Variants in IQCJ observed in about 807,000 individuals in gnomAD.
IQCJ encodes IQ motif containing J.
IQCJ carries 9 observed loss-of-function variants against 11.0 expected under a neutral mutation model. That is an observed-to-expected ratio of 0.82 (90% confidence interval 0.49 to 1.43). The LOEUF (loss-of-function observed/expected upper bound fraction) is 1.43, where lower values mean the gene tolerates loss of function less well. IQCJ is among the 40% of genes most tolerant of loss of function. IQCJ has a pLI of 0.00. For synonymous variants in IQCJ, 55 were observed against 51.3 expected (o/e 1.07, Z -0.31); for missense variants, 146 against 133.2 (o/e 1.10, Z -0.47).
intron 1 of IQCJ, among the ~76,000 whole-genome samples, chr3:159,215,835 C>T (rs1725194155): frequency 6.6e-6 from 1 of 152,018 alleles, no homozygotes; most frequent in South Asian, 2.1e-4. Flanking sequence ...GCACAATTTT[C>T]TCCTACATTA....
chr3:159,188,433 C>CA (rs1723498311), intron 1 of IQCJ, among the ~76,000 whole-genome samples: 1 of 151,858 alleles, frequency 6.6e-6, no homozygotes, highest in Non-Finnish European at 1.5e-5. Context: ...AAAACAACAA[C>CA]AAAAAACAAA....
intron 1 of IQCJ, among the ~76,000 whole-genome samples, chr3:159,143,318 C>T (rs1292794041): frequency 6.6e-6 from 1 of 152,212 alleles, no homozygotes; most frequent in African/African-American, 2.4e-5. Flanking sequence ...CTGTTCCATA[C>T]AAATTCTCAG....
intron 1 of IQCJ, among the ~76,000 whole-genome samples, chr3:159,231,616 T>G (rs1452994953): frequency 6.6e-6 from 1 of 152,242 alleles, no homozygotes; most frequent in East Asian, 1.9e-4. Context: ...CTCTGCCAGG[T>G]TTTGGTATCA....
At chr3:159,163,667 A>G (rs1722006001) in intron 1 of IQCJ, among the ~76,000 whole-genome samples, 1 of 152,048 alleles carries the variant, frequency 6.6e-6, no homozygotes, top group South Asian at 2.1e-4. Flanking sequence ...GCCCAGCCTC[A>G]TTTTTCATGT....
At chr3:159,151,666 C>T (rs1017960458) in intron 1 of IQCJ, among the ~76,000 whole-genome samples, 4 of 152,216 alleles carry the variant, frequency 2.6e-5, no homozygotes, top group Non-Finnish European at 4.4e-5. Flanking sequence ...GACGGAGTCT[C>T]GCTCTGTCGC....
chr3:159,150,643 T>C (rs904880162), intron 1 of IQCJ, among the ~76,000 whole-genome samples: 6 of 151,468 alleles, frequency 4.0e-5, no homozygotes, highest in African/African-American at 1.2e-4. Flanking sequence ...CTTCTGTAGG[T>C]TGAGGGTAAG....
At chr3:159,223,852 G>A (rs1212730103) in intron 1 of IQCJ, among the ~76,000 whole-genome samples, 1 of 152,066 alleles carries the variant, frequency 6.6e-6, no homozygotes, top group African/African-American at 2.4e-5. Context: ...AATTACCTCA[G>A]GCTATGTATG....
intron 1 of IQCJ, among the ~76,000 whole-genome samples, chr3:159,208,933 A>G (rs1351797700): frequency 6.6e-6 from 1 of 152,232 alleles, no homozygotes; most frequent in African/African-American, 2.4e-5. Context: ...GAATGATGTC[A>G]ACACATGCCA....
intron 1 of IQCJ, among the ~76,000 whole-genome samples, chr3:159,142,591 T>C (rs1245927844): frequency 6.6e-6 from 1 of 152,152 alleles, no homozygotes; most frequent in Non-Finnish European, 1.5e-5. Flanking sequence ...TAATTTTTTA[T>C]ATTTTTAGTA....
intron 1 of IQCJ, among the ~76,000 whole-genome samples, chr3:159,095,015 A>G (rs916063502): frequency 6.6e-6 from 1 of 151,858 alleles, no homozygotes. Context: ...TCCCACTTCC[A>G]AATCCAGCAA....
intron 1 of IQCJ, among the ~76,000 whole-genome samples, chr3:159,135,877 G>A (rs990631885): frequency 1.3e-5 from 2 of 152,210 alleles, no homozygotes; most frequent in Non-Finnish European, 2.9e-5. Context: ...GAAAGGGACA[G>A]TAATCAATTA....
chr3:159,152,841 A>G (rs1721307173), intron 1 of IQCJ, among the ~76,000 whole-genome samples: 1 of 152,258 alleles, frequency 6.6e-6, no homozygotes, highest in Admixed American at 6.5e-5. Context: ...GCAGTTTTCA[A>G]TAAAATCTAT....
intron 1 of IQCJ, among the ~76,000 whole-genome samples, chr3:159,129,634 G>A (rs908093796): frequency 6.6e-6 from 1 of 152,108 alleles, no homozygotes; most frequent in Non-Finnish European, 1.5e-5. Flanking sequence ...GAAATCATTT[G>A]TATGGAAGGA....
chr3:159,210,297 T>C (rs534680383), intron 1 of IQCJ, among the ~76,000 whole-genome samples: 1 of 152,340 alleles, frequency 6.6e-6, no homozygotes, highest in East Asian at 1.9e-4. Flanking sequence ...CCCACAAATC[T>C]TTCATTTGTG....
rs1716336223 is a variant in IQCJ, at chr3:159,081,856, T to C, written c.9+12415T>C. Reference sequence around the variant, plus strand: ...TATTGTCTTATTGGAGAGACTTAAGTAGAATAAACATACTTTTCTGTCATT... The same window carrying C: ...TATTGTCTTATTGGAGAGACTTAAGCAGAATAAACATACTTTTCTGTCATT... On this transcript the variant is annotated intron_variant, in intron 1 of 3. Transcript: ENST00000397832. Among the ~76,000 whole-genome samples the C allele has an allele frequency of 2.0e-5, 3 of 152,146 alleles. No individual in the cohort carries two copies. In the South Asian group the frequency reaches 6.2e-4, roughly 31 times the overall value.
At chr3:159,194,588 C>T (rs1383770352) in intron 1 of IQCJ, among the ~76,000 whole-genome samples, 1 of 152,228 alleles carries the variant, frequency 6.6e-6, no homozygotes, top group Non-Finnish European at 1.5e-5. Flanking sequence ...ATTTTAGATG[C>T]TCAGAGTATC....
chr3:159,071,844 A>T (rs547659508), intron 1 of IQCJ, among the ~76,000 whole-genome samples: 1 of 152,076 alleles, frequency 6.6e-6, no homozygotes, highest in Non-Finnish European at 1.5e-5. Context: ...AAATACCTAA[A>T]ATGATTGTAA....
At chr3:159,182,835 C>T (rs747508485) in intron 1 of IQCJ, among the ~76,000 whole-genome samples, 4 of 151,322 alleles carry the variant, frequency 2.6e-5, no homozygotes, top group East Asian at 1.9e-4. Flanking sequence ...ATAACATAAC[C>T]GATTAGGTCA....
At chr3:159,182,631 G>T (rs1361196182) in intron 1 of IQCJ, among the ~76,000 whole-genome samples, 3 of 151,902 alleles carry the variant, frequency 2.0e-5, no homozygotes, top group African/African-American at 7.3e-5. Context: ...GTGATCGATT[G>T]AGCAAGCAGG....
Sources: gnomAD v4.1 joint callset for allele counts (sites outside exome capture counted in the v4.1 genomes callset) on GRCh38, gnomAD v4.1.1 for gene constraint, MANE v1.5 for transcripts, NCBI Gene and HGNC (gene_info 2026-07-23, HGNC 2026-07-21) for gene names.